The following UBE2V2 variants were observed in gnomAD, a reference collection of about 807,000 sequenced individuals.
UBE2V2 encodes the protein ubiquitin-conjugating enzyme E2 variant 2.
A neutral mutation model predicts 17.2 loss-of-function variants in UBE2V2; 9 were observed. The observed-to-expected ratio is 0.52, with a 90% CI of 0.32 to 0.91. The LOEUF is 0.91. UBE2V2 is among the 40% of genes least tolerant of loss of function. The pLI is 0.04. For synonymous variants in UBE2V2, 61 were observed against 57.5 expected, an observed-to-expected ratio of 1.06 and a Z score of -0.28; for missense variants, 133 against 182.6, an observed-to-expected ratio of 0.73 and a Z score of 1.56.
intron 2 of UBE2V2, among the ~76,000 whole-genome samples, chr8:48,049,085 C>T: frequency 6.6e-6 from 1 of 151,926 alleles, no homozygotes; most frequent in East Asian, 1.9e-4. Flanking sequence ...TGAAAATAAG[C>T]CCTGGATAAT....
chr8:48,000,232 C>T, the UBE2V2 span, among the ~76,000 whole-genome samples: 1 of 152,164 alleles, frequency 6.6e-6, no homozygotes. Context: ...CATTGTGCAA[C>T]CCTTGCTGAC....
chr8:48,021,137 G>A (rs2091302228), intron 1 of UBE2V2, among the ~76,000 whole-genome samples: 1 of 150,114 alleles, frequency 6.7e-6, no homozygotes, highest in African/African-American at 2.5e-5. Flanking sequence ...GAGTGCAATG[G>A]CGTGATCCCG....
intron 3 of UBE2V2, among the ~76,000 whole-genome samples, chr8:48,059,284 T>C (rs970826204): frequency 6.6e-6 from 1 of 152,060 alleles, no homozygotes; most frequent in African/African-American, 2.4e-5. Context: ...TGACAGCTTA[T>C]GGCCTTCTCA....
At chr8:48,008,635 C>A in intron 1 of UBE2V2, 165 bp downstream of exon 1, 1 of 1,027,380 alleles carries the variant, frequency 9.7e-7, no homozygotes, top group Non-Finnish European at 1.2e-6. Flanking sequence ...GGACCGGCGC[C>A]GAGGCCCCGG....
At chr8:48,041,648 C>T (rs1404995864) in intron 1 of UBE2V2, 3 of 152,158 alleles carry the variant, frequency 2.0e-5, no homozygotes, top group African/African-American at 7.2e-5. Context: ...TAAATATTTA[C>T]CTTTGCATAT....
intron 3 of UBE2V2, among the ~76,000 whole-genome samples, chr8:48,054,484 AT>A (rs1413552682): frequency 2.0e-5 from 3 of 152,174 alleles, no homozygotes; most frequent in African/African-American, 7.2e-5. Context: ...TGGAGTGTAG[AT>A]GTGTGTATAG....
At position 48,047,166 on chromosome 8, in the gene UBE2V2, C is replaced by A. The variant is rs185464056; in HGVS notation, c.166-2687C>A. Among the ~76,000 whole-genome samples the A allele has an allele frequency of 1.3e-3, 193 of 152,206 alleles. 1 individual carries two copies. Among genetic ancestry groups the A allele is most frequent in the Non-Finnish European group, 2.2e-3 (151 of 68,008 alleles). On this transcript the variant is annotated intron_variant, in intron 2 of 3. Coordinates refer to ENST00000523111, the MANE Select transcript of UBE2V2 (RefSeq NM_003350.3). ...ATGTTGGTCAAGCTGGTCTCGAACTCCCAACCTCAGGTGATCCACTCCCTT... is the reference window on the plus strand; with the variant it reads ...ATGTTGGTCAAGCTGGTCTCGAACTACCAACCTCAGGTGATCCACTCCCTT...
chr8:48,035,179 A>G, intron 1 of UBE2V2: 1 of 942,978 alleles, frequency 1.1e-6, no homozygotes, highest in Non-Finnish European at 1.3e-6. Flanking sequence ...GCAGTGGCAC[A>G]ATCTCAGCTC....
chr8:48,056,589 G>A (rs925132775), intron 3 of UBE2V2, among the ~76,000 whole-genome samples: 5 of 152,100 alleles, frequency 3.3e-5, no homozygotes, highest in African/African-American at 7.2e-5. Flanking sequence ...ACAGGGTTTC[G>A]TCATCTTGGC....
chr8:48,007,673 C>T (rs1306510276), upstream of UBE2V2, among the ~76,000 whole-genome samples: 1 of 151,658 alleles, frequency 6.6e-6, no homozygotes, highest in Non-Finnish European at 1.5e-5. Context: ...CCTCAGCCTC[C>T]CAAAGTGTTA....
intron 3 of UBE2V2, among the ~76,000 whole-genome samples, chr8:48,058,327 G>A (rs906873866): frequency 6.6e-6 from 1 of 152,002 alleles, no homozygotes; most frequent in Admixed American, 6.6e-5. Context: ...AATTAGCCGG[G>A]TATGGTGGTG....
At chr8:47,998,366 G>A in the UBE2V2 span, among the ~76,000 whole-genome samples, 2 of 152,046 alleles carry the variant, frequency 1.3e-5, no homozygotes, top group South Asian at 2.1e-4. Flanking sequence ...GGAAGAGGGC[G>A]TTCCCTTTCC....
At chr8:48,013,558 C>G (rs149838768) in intron 1 of UBE2V2, among the ~76,000 whole-genome samples, 1,620 of 152,218 alleles carry the variant, frequency 0.011, 16 homozygotes, top group Middle Eastern at 0.02. Flanking sequence ...ATCCATCCGC[C>G]TCGGCCTCCC....
intron 1 of UBE2V2, among the ~76,000 whole-genome samples, chr8:48,028,116 TGC>T (rs1314579600): frequency 9.2e-5 from 14 of 152,084 alleles, no homozygotes; most frequent in African/African-American, 3.4e-4. Context: ...CCTCCCAAAG[TGC>T]TGGGATTTAC....
intron 3 of UBE2V2, among the ~76,000 whole-genome samples, chr8:48,054,532 TTTTCTC>T (rs1459358047): frequency 6.6e-6 from 1 of 152,202 alleles, no homozygotes; most frequent in Non-Finnish European, 1.5e-5. Context: ...GGACATCTGT[TTTTCTC>T]TTCATTTACA....
intron 2 of UBE2V2, among the ~76,000 whole-genome samples, chr8:48,044,064 TTGGTTTTGTATAC>T (rs1460656082): frequency 6.6e-6 from 1 of 152,084 alleles, no homozygotes; most frequent in Non-Finnish European, 1.5e-5. Context: ...TTTTAAGTCT[TTGGTTTTGTATAC>T]TGGTTGCTAC....
intron 1 of UBE2V2, among the ~76,000 whole-genome samples, chr8:48,040,898 T>C (rs917506623): frequency 2.4e-5 from 3 of 127,304 alleles, no homozygotes; most frequent in Non-Finnish European, 4.8e-5. Flanking sequence ...AGAGTCTCAC[T>C]CTGTCACCCA....
intron 1 of UBE2V2, among the ~76,000 whole-genome samples, chr8:48,015,423 A>C (rs751680815): frequency 3.9e-5 from 6 of 152,174 alleles, no homozygotes; most frequent in Admixed American, 6.6e-5. Flanking sequence ...TTTGAAGTAC[A>C]TTATCTGTAC....
intron 3 of UBE2V2, among the ~76,000 whole-genome samples, chr8:48,056,748 G>C (rs971469236): frequency 3.9e-5 from 6 of 152,070 alleles, no homozygotes; most frequent in African/African-American, 1.4e-4. Context: ...TTTTGAGACA[G>C]AGTCTTGCTG....
Sources: allele counts gnomAD v4.1 joint callset (sites outside exome capture counted in the v4.1 genomes callset), GRCh38; gene constraint gnomAD v4.1.1; transcripts MANE v1.5; gene names NCBI Gene and HGNC (gene_info 2026-07-23, HGNC 2026-07-21).